LMOD3: variants seen among roughly 807,000 people sequenced by gnomAD.
LMOD3 encodes the protein leiomodin-3.
Under a neutral mutation model 41.8 loss-of-function variants are expected in LMOD3, and 31 were observed. That is an observed-to-expected ratio of 0.74 (90% CI 0.56 to 1.00). The LOEUF is 1.00. Ranked by LOEUF, LMOD3 falls within the 50% of genes least tolerant of loss-of-function variation. The pLI is 0.00. For synonymous variants in LMOD3, 292 were observed against 241.9 expected, an observed-to-expected ratio of 1.21 and a Z score of -1.92; for missense variants, 755 against 679.5, an observed-to-expected ratio of 1.11 and a Z score of -1.23.
At chr3:69,112,286 T>C (rs1264586978) in intron 2 of LMOD3, among the ~76,000 whole-genome samples, 1 of 152,206 alleles carries the variant, frequency 6.6e-6, no homozygotes, top group African/African-American at 2.4e-5. Flanking sequence ...GGTGGGAAAG[T>C]TGGTTTCAGC....
At position 69,108,765 on chromosome 3, in the gene LMOD3, AAAC is replaced by A. The variant is rs760415822; in HGVS notation, c.*327_*329del. 4.1e-6 allele frequency: 1 copy of A among 241,606 alleles called. No homozygotes were observed. Among genetic ancestry groups the A allele is most frequent in the Non-Finnish European group, 7.9e-6 (1 of 126,590 alleles). 15.0% of individuals were successfully genotyped at this position (241,606 alleles called of 1,614,324 possible). ...GTTATATTTATTATTTACCAGAAGAAAACAATAATAAAGCAAATGTTTAAAAAA... is the reference window on the plus strand; with the variant it reads ...GTTATATTTATTATTTACCAGAAGAAAATAATAAAGCAAATGTTTAAAAAA... On this transcript the variant is annotated 3_prime_UTR_variant, in exon 3 of 3. Coordinates refer to ENST00000420581, the MANE Select transcript of LMOD3 (RefSeq NM_198271.5).
chr3:69,108,743 A>T lies in LMOD3; in HGVS notation c.*352T>A. On this transcript the variant is annotated 3_prime_UTR_variant, in exon 3 of 3. Transcript: ENST00000420581. The stretch of plus-strand genomic sequence containing the variant: ...GAATACAATAGTTAACACTTCTGTT[A>T]TATTTATTATTTACCAGAAGAAAAC... 4.8e-6 allele frequency: 1 copy of T among 207,880 alleles called. No individual in the cohort carries two copies. Among genetic ancestry groups the T allele is most frequent in the Non-Finnish European group, 9.6e-6 (1 of 104,500 alleles). 12.9% of individuals were successfully genotyped at this position (207,880 alleles called of 1,614,324 possible).
Position 69,109,061 on chromosome 3 carries a change from C to A in LMOD3, c.*34G>T. The A allele has an allele frequency of 6.4e-7, 1 of 1,571,544 alleles. No individual in the cohort carries two copies. The highest frequency in any genetic ancestry group is 1.2e-5 in the South Asian group (1 of 86,038). On this transcript the variant is annotated 3_prime_UTR_variant, in exon 3 of 3. Transcript: ENST00000420581. Reference sequence around the variant, plus strand: ...GCTGTAATCCAAGAGTCACTATTTCCATTTCTTGTTCTTCTAGATGGCTCT... The same window carrying A: ...GCTGTAATCCAAGAGTCACTATTTCAATTTCTTGTTCTTCTAGATGGCTCT...
chr3:69,113,324 T>C (rs1475081557), intron 2 of LMOD3, among the ~76,000 whole-genome samples: 1 of 152,150 alleles, frequency 6.6e-6, no homozygotes, highest in East Asian at 1.9e-4. Flanking sequence ...GATTTGGGAA[T>C]TGTTCTAGAT....
At position 69,120,233 on chromosome 3, in the gene LMOD3, TTAAAA is replaced by T. The variant is rs10575592; in HGVS notation, c.295-178_295-174del. 0.18 allele frequency among the ~76,000 whole-genome samples: 26,964 copies of T among 152,026 alleles called. 2,688 individuals are homozygous for T. Among genetic ancestry groups the T allele is most frequent in the African/African-American group, 0.28 (11,537 of 41,410 alleles). ...ATGGGTGGTTATTCTATCCCATAAATTAAAATGAGTATTAAAAGGAAACCTTATTA... is the reference window on the plus strand; with the variant it reads ...ATGGGTGGTTATTCTATCCCATAAATTGAGTATTAAAAGGAAACCTTATTA... On this transcript the variant is annotated intron_variant, in intron 1 of 2. Coordinates refer to ENST00000420581, the MANE Select transcript of LMOD3 (RefSeq NM_198271.5).
intron 2 of LMOD3, 24 bp downstream of exon 2, chr3:69,118,675 C>G (rs2092388642): frequency 1.9e-6 from 3 of 1,596,046 alleles, no homozygotes; most frequent in Non-Finnish European, 2.6e-6. Flanking sequence ...TGCTCAGTCA[C>G]CATTTCTCCC....
In LMOD3 at chr3:69,109,960, C is replaced by T. The variant is rs865981182; in HGVS notation, c.1657-839G>A. Among the ~76,000 whole-genome samples, 3 of 152,038 alleles carry T rather than the reference C, an allele frequency of 2.0e-5. No individual in the cohort carries two copies. In the South Asian group the frequency reaches 6.2e-4, roughly 32 times the overall value. The stretch of plus-strand genomic sequence containing the variant: ...AGAGCAGGATTTGAACCAGGTCTGC[C>T]TGATTTCAGTGCTCATTATTATACA... On this transcript the variant is annotated intron_variant, in intron 2 of 2. Coordinates refer to ENST00000420581, the MANE Select transcript of LMOD3 (RefSeq NM_198271.5).
chr3:69,110,853 A>AAAT (rs1458630453), intron 2 of LMOD3, among the ~76,000 whole-genome samples: 115 of 104,080 alleles, frequency 1.1e-3, no homozygotes, highest in Non-Finnish European at 1.7e-3. Context: ...AAAAAAAAAA[A>AAAT]ATATATATAT....
At chr3:69,110,935 G>A (rs1216502618) in intron 2 of LMOD3, among the ~76,000 whole-genome samples, 2 of 147,214 alleles carry the variant, frequency 1.4e-5, no homozygotes, top group Non-Finnish European at 3.0e-5. Flanking sequence ...GTCCAACACT[G>A]CAAACCCACT....
chr3:69,122,239 C>T lies in LMOD3; in HGVS notation c.148G>A (p.Val50Met), dbSNP rs144761436. The change falls in exon 1 of 3, where the codon GTG (valine) becomes ATG (methionine). Residue 50 changes from valine to methionine, a missense_variant. Val to Met is a conservative substitution (Grantham distance 21, BLOSUM62 1). Coordinates refer to ENST00000420581, the MANE Select transcript of LMOD3 (RefSeq NM_198271.5). Reference protein sequence around the residue: ...EVMAPDPSLPVGMIQKDQTDK... With the variant: ...EVMAPDPSLPMGMIQKDQTDK... Reference sequence around the variant, plus strand: ...GTTTGATCTTTCTGAATCATTCCCACGGGAAGGCTGGGGTCAGGGGCCATG... The same window carrying T: ...GTTTGATCTTTCTGAATCATTCCCATGGGAAGGCTGGGGTCAGGGGCCATG... The T allele has an allele frequency of 4.5e-5, 73 of 1,613,604 alleles. No individual in the cohort carries two copies. The Admixed American group carries it at 5.5e-4, about 12-fold the overall frequency.
Position 69,119,161 on chromosome 3 carries a change from C to T in LMOD3, c.1194G>A (p.Arg398=). Residue 398 remains arginine, a synonymous_variant, in exon 2 of 3, where the codon AGG becomes AGA. Transcript: ENST00000420581. The part of the protein sequence containing the change: ...NLLTRNQDKQ[R]QKRQEEQKQQ... ...GTTTTTGCTCTTCCTGTCGTTTCTG[C>T]CTTTGTTTATCCTGATTCCTGGTGA... The T allele has an allele frequency of 6.2e-7, 1 of 1,613,672 alleles. No homozygotes were observed. The highest frequency in any genetic ancestry group is 8.5e-7 in the Non-Finnish European group (1 of 1,179,840).
chr3:69,109,520 CTTTTTTTTTTTT>C (rs923225067), intron 2 of LMOD3, among the ~76,000 whole-genome samples: 6 of 98,710 alleles, frequency 6.1e-5, no homozygotes, highest in African/African-American at 2.2e-4. Context: ...CATGTTAACA[CTTTTTTTTTTTT>C]TTTTTTTTTT....
chr3:69,109,401 G>T (rs1005934158), intron 2 of LMOD3, among the ~76,000 whole-genome samples: 2 of 151,890 alleles, frequency 1.3e-5, no homozygotes, highest in African/African-American at 4.8e-5. Flanking sequence ...TGGGTTCAAA[G>T]ACTGGCACTA....
intron 2 of LMOD3, among the ~76,000 whole-genome samples, chr3:69,116,474 A>G (rs1253778333): frequency 6.6e-6 from 1 of 152,226 alleles, no homozygotes; most frequent in Non-Finnish European, 1.5e-5. Flanking sequence ...TTTTTCTTGA[A>G]TTATTTTTTT....
intron 2 of LMOD3, among the ~76,000 whole-genome samples, chr3:69,117,956 T>C (rs1338586061): frequency 2.0e-5 from 3 of 151,712 alleles, no homozygotes; most frequent in African/African-American, 7.3e-5. Flanking sequence ...CTCAGCCTCC[T>C]GAGTAGCTGG....
At chr3:69,110,853 A>AAAAAAAAAATATATATATATAT (rs1458630453) in intron 2 of LMOD3, among the ~76,000 whole-genome samples, 3 of 104,112 alleles carry the variant, frequency 2.9e-5, no homozygotes, top group African/African-American at 1.4e-4. Flanking sequence ...AAAAAAAAAA[A>AAAAAAAAAATATATATATATAT]ATATATATAT....
At chr3:69,109,882 A>C (rs947753907) in intron 2 of LMOD3, among the ~76,000 whole-genome samples, 1 of 152,124 alleles carries the variant, frequency 6.6e-6, no homozygotes, top group African/African-American at 2.4e-5. Flanking sequence ...TAGGGAGAGA[A>C]ATGGCTCAGA....
chr3:69,108,444 T>G lies in LMOD3; in HGVS notation c.*651A>C, dbSNP rs980823583. 3 of 152,172 alleles carry G rather than the reference T, an allele frequency of 2.0e-5. No homozygotes were observed. The highest frequency in any genetic ancestry group is 4.4e-5 in the Non-Finnish European group (3 of 68,046). The allele number at this position is 152,172 out of a possible 1,614,324, so 9.4% of individuals were successfully genotyped here. A position where few individuals can be genotyped will look rare whatever the true frequency, so the allele number is the denominator to read the frequency against. On this transcript the variant is annotated 3_prime_UTR_variant, in exon 3 of 3. Transcript: ENST00000420581. The stretch of plus-strand genomic sequence containing the variant: ...CTTAGTTTTCACCATGTTCTGTGGC[T>G]TACGTGTTCTGCCCCTCACAGGTAC...
intron 1 of LMOD3, among the ~76,000 whole-genome samples, chr3:69,120,344 C>T (rs2092401542): frequency 6.6e-6 from 1 of 151,980 alleles, no homozygotes; most frequent in South Asian, 2.1e-4. Context: ...TAGAATTGTT[C>T]ATCGATACAC....
Sources: allele counts gnomAD v4.1 joint callset (sites outside exome capture counted in the v4.1 genomes callset), GRCh38; gene constraint gnomAD v4.1.1; transcripts MANE v1.5; gene names NCBI Gene and HGNC (gene_info 2026-07-23, HGNC 2026-07-21).